The following WIPI1 variants were observed in gnomAD, a reference collection of about 807,000 sequenced individuals.
The protein encoded by WIPI1 is WD repeat domain, phosphoinositide interacting 1.
WIPI1 carries 45 observed loss-of-function variants against 55.3 expected under a neutral mutation model. That is an observed-to-expected ratio of 0.81 (90% confidence interval 0.64 to 1.04). The LOEUF is 1.04. Among genes scored for constraint, WIPI1 ranks in the 50% least tolerant of loss-of-function variants. The probability of loss-of-function intolerance (pLI) is 0.00; values close to 1 mark genes in which losing one functional copy is unlikely to be tolerated. For missense variants in WIPI1, 445 were observed against 559.0 expected, an observed-to-expected ratio of 0.80 and a Z score of 2.06; for synonymous variants, 195 against 217.6, an observed-to-expected ratio of 0.90 and a Z score of 0.92.
intron 4 of WIPI1, among the ~76,000 whole-genome samples, chr17:68,437,764 A>G (rs568455535): frequency 2.6e-5 from 4 of 152,186 alleles, no homozygotes; most frequent in African/African-American, 9.6e-5. Flanking sequence ...CCATCAAACC[A>G]CTGAACCAAC....
intron 8 of WIPI1, among the ~76,000 whole-genome samples, chr17:68,432,791 C>A (rs2083588218): frequency 6.6e-6 from 1 of 152,162 alleles, no homozygotes; most frequent in Non-Finnish European, 1.5e-5. Context: ...AGCGCTCTTT[C>A]TCTAGAATCC....
chr17:68,424,576 G>A (rs1157602375), intron 12 of WIPI1: 4 of 512,592 alleles, frequency 7.8e-6, no homozygotes, highest in African/African-American at 2.0e-5. Context: ...TCCAAGTCTT[G>A]GCCCAAACAC....
intron 4 of WIPI1, chr17:68,440,942 C>T (rs1468131966): frequency 6.6e-6 from 1 of 152,226 alleles, no homozygotes; most frequent in Non-Finnish European, 1.5e-5. Flanking sequence ...ATGCCCTATG[C>T]TCCTACAAAA....
intron 5 of WIPI1, 60 bp from the exon 6 acceptor site, chr17:68,435,772 C>T: frequency 6.9e-7 from 1 of 1,458,804 alleles, no homozygotes; most frequent in Non-Finnish European, 9.6e-7. Context: ...TGGATTTCAC[C>T]TCCCTCCCCT....
At position 68,444,632 on chromosome 17, in the gene WIPI1, C is replaced by A. The variant is rs759191001; in HGVS notation, c.334-43G>T. 1.2e-5 allele frequency: 19 copies of A among 1,538,014 alleles called. No homozygotes were observed. In the East Asian group the frequency reaches 4.1e-4, roughly 33 times the overall value. On this transcript the variant is annotated intron_variant, in intron 3 of 12. Transcript: ENST00000262139. ...TATCAGTCTACCGAACCGTTCCTTA[C>A]AAAGACCCTGACCAAATCCAAATCA...
chr17:68,434,533 TG>T, intron 7 of WIPI1, 22 bp downstream of exon 7: 1 of 1,613,072 alleles, frequency 6.2e-7, no homozygotes, highest in Non-Finnish European at 8.5e-7. Flanking sequence ...GACTTTAAAA[TG>T]GGTTTGACAT....
At chr17:68,429,068 G>A in intron 9 of WIPI1, 132 bp from the exon 10 acceptor site, 1 of 658,212 alleles carries the variant, frequency 1.5e-6, no homozygotes, top group Admixed American at 2.5e-5. Context: ...CCACTGATCT[G>A]GTCTGGGCTT....
chr17:68,428,745 A>G, intron 10 of WIPI1, 84 bp downstream of exon 10: 1 of 1,043,714 alleles, frequency 9.6e-7, no homozygotes, highest in South Asian at 1.4e-5. Flanking sequence ...ATGCAAGGGC[A>G]CTGAAGCTTG....
intron 5 of WIPI1, among the ~76,000 whole-genome samples, chr17:68,435,977 C>G (rs1276659330): frequency 6.6e-6 from 1 of 152,262 alleles, no homozygotes; most frequent in Non-Finnish European, 1.5e-5. Context: ...GTGATGCCGT[C>G]GCAGGCGCGC....
intron 10 of WIPI1, chr17:68,427,492 G>A (rs1227421373): frequency 1.3e-5 from 4 of 315,598 alleles, no homozygotes; most frequent in East Asian, 7.5e-5. Context: ...GAGTAGCTGC[G>A]ACTACAGGCA....
At chr17:68,444,410 G>A (rs761801550) in intron 4 of WIPI1, 83 bp downstream of exon 4, 316 of 1,314,624 alleles carry the variant, frequency 2.4e-4, no homozygotes, top group Middle Eastern at 5.5e-4. Context: ...CTTCACGTTC[G>A]CAATTTGGAG....
intron 9 of WIPI1, 77 bp downstream of exon 9, chr17:68,429,919 T>G (rs2083434986): frequency 6.3e-7 from 1 of 1,596,430 alleles, no homozygotes. Flanking sequence ...TCTTTTCAGG[T>G]TTGGGGATTT....
chr17:68,454,058 G>C (rs569220777), intron 1 of WIPI1, among the ~76,000 whole-genome samples: 1 of 152,186 alleles, frequency 6.6e-6, no homozygotes, highest in East Asian at 1.9e-4. Flanking sequence ...CAATCAAAGT[G>C]CCTCTTAAAA....
rs1459479638 is a variant in WIPI1, at chr17:68,438,905, CAT to C, written c.431-2428_431-2427del. 4.6e-5 allele frequency among the ~76,000 whole-genome samples: 7 copies of C among 152,256 alleles called. No homozygotes were observed. In the South Asian group the frequency reaches 1.2e-3, roughly 27 times the overall value. ...GTGAGCCATCGTGCCTGGCCTAGCA[CAT>C]ATGTTTTTAAAAAGGCTGTGTTAAA... On this transcript the variant is annotated intron_variant, in intron 4 of 12. Coordinates refer to ENST00000262139, the MANE Select transcript of WIPI1 (RefSeq NM_017983.7).
chr17:68,443,012 C>T (rs1445963175), intron 4 of WIPI1, among the ~76,000 whole-genome samples: 2 of 152,228 alleles, frequency 1.3e-5, no homozygotes, highest in Non-Finnish European at 2.9e-5. Flanking sequence ...TCTTCACGTA[C>T]CGTCTTCCAT....
intron 8 of WIPI1, 51 bp from the exon 9 acceptor site, chr17:68,430,211 G>A (rs1395267362): frequency 4.5e-6 from 7 of 1,550,120 alleles, no homozygotes; most frequent in Admixed American, 2.0e-5. Flanking sequence ...GGCCCCACAC[G>A]CACCCAGGAA....
rs561174004 is a variant in WIPI1, at chr17:68,426,307, T to C, written c.1193-132A>G. On this transcript the variant is annotated intron_variant, in intron 11 of 12. Transcript: ENST00000262139. Reference sequence around the variant, plus strand: ...GGGCTGTCTGTCTTCCCCCTGGAGGTACTGTGCCTAGGACAAGTCATAATC... The same window carrying C: ...GGGCTGTCTGTCTTCCCCCTGGAGGCACTGTGCCTAGGACAAGTCATAATC... 216 of 721,296 alleles carry C rather than the reference T, an allele frequency of 3.0e-4. 1 individual carries two copies. The highest frequency in any genetic ancestry group is 4.7e-4 in the Non-Finnish European group (199 of 421,346). 44.7% of individuals were successfully genotyped at this position (721,296 alleles called of 1,614,324 possible). A position where few individuals can be genotyped will look rare whatever the true frequency, so the allele number is the denominator to read the frequency against.
chr17:68,422,110 C>A (rs2082824740), intron 12 of WIPI1: 1 of 377,490 alleles, frequency 2.6e-6, no homozygotes, highest in South Asian at 3.3e-5. Context: ...TACTTGTAAA[C>A]ATGGACTGCT....
intron 3 of WIPI1, among the ~76,000 whole-genome samples, chr17:68,446,462 A>G (rs883622): frequency 0.44 from 66,506 of 151,980 alleles, 14,937 homozygotes; most frequent in Middle Eastern, 0.52. Flanking sequence ...GATTACAAGC[A>G]TGAGCTACTG....
Sources: allele counts gnomAD v4.1 joint callset (sites outside exome capture counted in the v4.1 genomes callset), GRCh38; gene constraint gnomAD v4.1.1; transcripts MANE v1.5; gene names NCBI Gene and HGNC (gene_info 2026-07-23, HGNC 2026-07-21).